ZNF862: variants seen among roughly 807,000 people sequenced by gnomAD.
ZNF862 encodes the protein zinc finger protein 862.
ZNF862 carries 64 observed loss-of-function variants against 91.1 expected under a neutral mutation model. That is an observed-to-expected ratio of 0.70 (90% CI 0.57 to 0.87). ZNF862 has a LOEUF of 0.87. Ranked by LOEUF, ZNF862 falls within the 40% of genes least tolerant of loss-of-function variation. The pLI is 0.00. For synonymous variants in ZNF862, 631 were observed against 618.1 expected (o/e 1.02, Z -0.31); for missense variants, 1,459 against 1,528.0 (o/e 0.95, Z 0.75).
chr7:149,866,978 G>A lies in ZNF862; in HGVS notation c.*2694G>A, dbSNP rs1243493520. The A allele has an allele frequency of 6.6e-6, 1 of 152,192 alleles. No homozygotes were observed. The highest frequency in any genetic ancestry group is 6.5e-5 in the Admixed American group (1 of 15,290). 9.4% of individuals were successfully genotyped at this position (152,192 alleles called of 1,614,324 possible). ...GAAGAAAAACCACAGGGCTCTGGGAGGGGAAGAAGCATGCACTCCCGCTTT... is the reference window on the plus strand; with the variant it reads ...GAAGAAAAACCACAGGGCTCTGGGAAGGGAAGAAGCATGCACTCCCGCTTT... On this transcript the variant is annotated 3_prime_UTR_variant, in exon 8 of 8. Coordinates refer to ENST00000223210, the MANE Select transcript of ZNF862 (RefSeq NM_001099220.3).
intron 1 of ZNF862, chr7:149,841,731 A>G (rs1389217991): frequency 7.1e-6 from 7 of 985,272 alleles, no homozygotes; most frequent in Non-Finnish European, 8.4e-6. Context: ...TGTTGCCTCA[A>G]CGTTTCTGTT....
chr7:149,864,293 G>T lies in ZNF862; in HGVS notation c.*9G>T. 1.3e-6 allele frequency: 2 copies of T among 1,590,840 alleles called. No individual in the cohort carries two copies. The highest frequency in any genetic ancestry group is 8.5e-7 in the Non-Finnish European group (1 of 1,169,810). On this transcript the variant is annotated 3_prime_UTR_variant, in exon 8 of 8. Transcript: ENST00000223210. Reference sequence around the variant, plus strand: ...CCCCCGGGATGTCCTGAGGGACAGGGAGTCCTTGGGACTGCCTTGGAGACG... The same window carrying T: ...CCCCCGGGATGTCCTGAGGGACAGGTAGTCCTTGGGACTGCCTTGGAGACG...
At chr7:149,860,062 G>T (rs577409129) in intron 6 of ZNF862, 1 of 368,768 alleles carries the variant, frequency 2.7e-6, no homozygotes, top group Non-Finnish European at 4.9e-6. Flanking sequence ...TTATCCAACA[G>T]TCTCTGTGGC....
rs992099881 is a variant in ZNF862, at chr7:149,855,726, A to G, written c.1118-3696A>G. ...CAGGGGAGTATCACACTGGTAGCCA[A>G]CCGTCACGGGCAGGCCCCACAGACA... is the stretch of plus-strand genomic sequence containing the variant. On this transcript the variant is annotated intron_variant, in intron 5 of 7. Coordinates refer to ENST00000223210, the MANE Select transcript of ZNF862 (RefSeq NM_001099220.3). This position sits in a 1 kb window ranked among gnomAD's most constrained non-coding sequence, Gnocchi z 4.1. 1.3e-5 allele frequency among the ~76,000 whole-genome samples: 2 copies of G among 152,116 alleles called. No homozygotes were observed. The highest frequency in any genetic ancestry group is 4.8e-5 in the African/African-American group (2 of 41,412).
At position 149,848,009 on chromosome 7, in the gene ZNF862, C is replaced by G; in HGVS notation, c.516C>G (p.Asp172Glu). The G allele has an allele frequency of 6.2e-7, 1 of 1,613,598 alleles. No homozygotes were observed. Among genetic ancestry groups the G allele is most frequent in the Non-Finnish European group, 8.5e-7 (1 of 1,179,706 alleles). The stretch of plus-strand genomic sequence containing the variant: ...GCCGAGAATACCCCTCCATCAGGGA[C>G]AAACGGTCAAGACTAATAGAAGGTT... ...SACREYPSIR[D>E]KRSRLIEGYT... The change falls in exon 4 of 8, where the codon GAC becomes GAG. Residue 172 changes from aspartate (D) to glutamate (E), a missense_variant. Asp to Glu is a conservative substitution (Grantham distance 45). Coordinates refer to ENST00000223210, the MANE Select transcript of ZNF862 (RefSeq NM_001099220.3).
In ZNF862 at chr7:149,864,471, C is replaced by G; in HGVS notation, c.*187C>G. On this transcript the variant is annotated 3_prime_UTR_variant, in exon 8 of 8. Coordinates refer to ENST00000223210, the MANE Select transcript of ZNF862 (RefSeq NM_001099220.3). ...GCATGACCTGTTTCCTGAGGCCCCA[C>G]TCAGCACAGCCATGCCTCACAGCAC... 3.3e-6 allele frequency: 2 copies of G among 597,928 alleles called. No homozygotes were observed. The highest frequency in any genetic ancestry group is 4.3e-5 in the South Asian group (2 of 46,382). The allele number at this position is 597,928 out of a possible 1,614,324, so 37.0% of individuals were successfully genotyped here.
intron 4 of ZNF862, 150 bp downstream of exon 4, chr7:149,848,582 G>A: frequency 1.5e-6 from 1 of 648,264 alleles, no homozygotes; most frequent in South Asian, 2.8e-5. Context: ...GCTTATCATG[G>A]ACTAGGCATT....
rs2128940971 is a variant in ZNF862 at position 149,859,266 on chromosome 7, CTGGGT to C, written c.1118-154_1118-150del. The C allele has an allele frequency of 8.5e-6, 6 of 703,280 alleles. No individual in the cohort carries two copies. In the South Asian group the frequency reaches 1.0e-4, roughly 12 times the overall value. 43.6% of individuals were successfully genotyped at this position (703,280 alleles called of 1,614,324 possible). A position where few individuals can be genotyped will look rare whatever the true frequency, so the allele number is the denominator to read the frequency against. On this transcript the variant is annotated intron_variant, in intron 5 of 7. Transcript: ENST00000223210. ...CTCCCCTTACTGCCTCTTTGGCACT[CTGGGT>C]TTGCGCTCAGCCTGCCCCTGGCCGA...
intron 2 of ZNF862, chr7:149,845,005 G>C (rs1293065375): frequency 5.1e-6 from 2 of 395,830 alleles, no homozygotes; most frequent in Non-Finnish European, 4.6e-6. Context: ...TGGTGCCTCA[G>C]AATGCCCCAA....
intron 4 of ZNF862, among the ~76,000 whole-genome samples, chr7:149,849,094 C>A (rs1801974266): frequency 6.6e-6 from 1 of 152,222 alleles, no homozygotes; most frequent in Non-Finnish European, 1.5e-5. Flanking sequence ...ATCTACCACT[C>A]CTGGCTAGTA....
rs760932362 is a variant in ZNF862, at chr7:149,860,533, G to A, written c.1373G>A (p.Arg458Lys). ...EEGDGPRRIK[R>K]TYRPRSIQRS... Reference sequence around the variant, plus strand: ...GGAGATGGACCTAGGAGAATCAAGAGGACATACAGGCCCCGTTCCATTCAG... The same window carrying A: ...GGAGATGGACCTAGGAGAATCAAGAAGACATACAGGCCCCGTTCCATTCAG... The change falls in exon 7 of 8, where the codon AGG becomes AAG. Residue 458 changes from arginine (R) to lysine (K), a missense_variant. Coordinates refer to ENST00000223210, the MANE Select transcript of ZNF862 (RefSeq NM_001099220.3). 1 of 1,613,988 alleles carries A rather than the reference G, an allele frequency of 6.2e-7. No homozygotes were observed. Among genetic ancestry groups the A allele is most frequent in the South Asian group, 1.1e-5 (1 of 91,086 alleles).
chr7:149,838,652 C>G lies in ZNF862; in HGVS notation c.24+17C>G, dbSNP rs1801601351. Reference sequence around the variant, plus strand: ...TCGGGGAAGGTAGGACTGGAAGGCCCGGGGGCCGCCCGCTCCCTCCCGAGG... The same window carrying G: ...TCGGGGAAGGTAGGACTGGAAGGCCGGGGGGCCGCCCGCTCCCTCCCGAGG... On this transcript the variant is annotated intron_variant, in intron 1 of 7. Transcript: ENST00000223210. The G allele has an allele frequency of 2.5e-6, 3 of 1,221,324 alleles. No individual in the cohort carries two copies. Among genetic ancestry groups the G allele is most frequent in the Non-Finnish European group, 3.1e-6 (3 of 974,164 alleles). The allele number at this position is 1,221,324 out of a possible 1,614,324, so 75.7% of individuals were successfully genotyped here.
At chr7:149,856,772 T>C (rs1254619440) in intron 5 of ZNF862, among the ~76,000 whole-genome samples, 3 of 152,222 alleles carry the variant, frequency 2.0e-5, no homozygotes, top group Non-Finnish European at 2.9e-5. Context: ...TCTTCTTTTG[T>C]GGTTGACGTC....
chr7:149,862,529 C>G, intron 7 of ZNF862, 35 bp downstream of exon 7: 1 of 1,538,040 alleles, frequency 6.5e-7, no homozygotes, highest in South Asian at 1.3e-5. Flanking sequence ...CCAAGGCAGC[C>G]TCATGCTGAG....
In ZNF862 at chr7:149,848,041, G is replaced by A. The variant is rs1347984341; in HGVS notation, c.548G>A (p.Gly183Glu). The part of the protein sequence containing the change: ...KRSRLIEGYT[G>E]PFKVETLKYH... ...TCAAGACTAATAGAAGGTTATACAG[G>A]ACCATTCAAGGTGGAGACTCTCAAA... The change falls in exon 4 of 8, where the codon GGA becomes GAA. Residue 183 changes from glycine (G) to glutamate (E), a missense_variant. By Grantham distance (98) the Gly-to-Glu change is moderately conservative. Transcript: ENST00000223210. The A allele has an allele frequency of 6.2e-7, 1 of 1,613,858 alleles. No individual in the cohort carries two copies. The highest frequency in any genetic ancestry group is 8.5e-7 in the Non-Finnish European group (1 of 1,179,882).
At chr7:149,852,301 TAATA>T in intron 5 of ZNF862, 1 of 151,656 alleles carries the variant, frequency 6.6e-6, no homozygotes, top group Non-Finnish European at 1.5e-5. Context: ...CATTATCTTT[TAATA>T]CACAAAACAA....
rs79054195 is a variant in ZNF862, at chr7:149,857,974, A to G, written c.1118-1448A>G. Among the ~76,000 whole-genome samples the G allele has an allele frequency of 8.5e-3, 1,288 of 152,100 alleles. 10 individuals are homozygous for G. The highest frequency in any genetic ancestry group is 0.03 in the African/African-American group (1,247 of 41,462). The stretch of plus-strand genomic sequence containing the variant: ...TATATGGGGTCTGGAGCCTTTCTGG[A>G]TAAGTTTTTCTGTAGGCCAAACCTC... On this transcript the variant is annotated intron_variant, in intron 5 of 7. Coordinates refer to ENST00000223210, the MANE Select transcript of ZNF862 (RefSeq NM_001099220.3).
At chr7:149,853,699 A>G (rs1282562125) in intron 5 of ZNF862, among the ~76,000 whole-genome samples, 3 of 152,152 alleles carry the variant, frequency 2.0e-5, no homozygotes, top group African/African-American at 7.2e-5. Flanking sequence ...GCACTTTGGG[A>G]GACTGAGGCA....
At position 149,847,869 on chromosome 7, in the gene ZNF862, T is replaced by C. The variant is rs781735260; in HGVS notation, c.376T>C (p.Trp126Arg). ...STGSGHIEGD[W>R]AGRNRKLLKP... Reference sequence around the variant, plus strand: ...AGGCAGTGGACACATCGAGGGAGACTGGGCCGGAAGAAACAGGAAACTTCT... The same window carrying C: ...AGGCAGTGGACACATCGAGGGAGACCGGGCCGGAAGAAACAGGAAACTTCT... Residue 126 changes from tryptophan to arginine, a missense_variant, in exon 4 of 8, where the codon TGG becomes CGG. Transcript: ENST00000223210. 16 of 1,611,986 alleles carry C rather than the reference T, an allele frequency of 9.9e-6. No individual in the cohort carries two copies. In the Admixed American group the frequency reaches 2.2e-4, roughly 22 times the overall value.
Sources: allele counts gnomAD v4.1 joint callset (sites outside exome capture counted in the v4.1 genomes callset), GRCh38; gene constraint gnomAD v4.1.1; non-coding constraint Gnocchi (gnomAD v3.1); transcripts MANE v1.5; gene names NCBI Gene and HGNC (gene_info 2026-07-23, HGNC 2026-07-21).